Variants in ARHGAP6 observed in about 807,000 individuals in gnomAD.
ARHGAP6 encodes rho GTPase-activating protein 6.
ARHGAP6 carries 16 observed loss-of-function variants against 55.7 expected under a neutral mutation model. That is an observed-to-expected ratio of 0.29 (90% CI 0.19 to 0.44). ARHGAP6 has a LOEUF of 0.44. Ranked by LOEUF, ARHGAP6 falls within the 20% of genes least tolerant of loss-of-function variation. The probability of loss-of-function intolerance (pLI) is 1.00; values close to 1 mark genes in which losing one functional copy is unlikely to be tolerated. For missense variants in ARHGAP6, 698 were observed against 808.9 expected (o/e 0.86, Z 1.66); for synonymous variants, 382 against 360.9 (o/e 1.06, Z -0.66).
At chrX:11,494,949 T>A (rs1027436446) in intron 1 of ARHGAP6, among the ~76,000 whole-genome samples, 4 of 111,992 alleles carry the variant, frequency 3.6e-5, no homozygotes, top group Non-Finnish European at 7.5e-5. Flanking sequence ...AGAAAAACAT[T>A]TACAGATAAG....
At chrX:11,549,892 G>C (rs1349447714) in intron 1 of ARHGAP6, among the ~76,000 whole-genome samples, 1 of 112,427 alleles carries the variant, frequency 8.9e-6, no homozygotes, top group Non-Finnish European at 1.9e-5. Context: ...CAAAACACCT[G>C]GTTGTGTAGC....
At chrX:11,271,586 T>C (rs1219766713) in intron 1 of ARHGAP6, among the ~76,000 whole-genome samples, 2 of 112,084 alleles carry the variant, frequency 1.8e-5, no homozygotes, top group African/African-American at 3.2e-5. Flanking sequence ...TATCATCAAA[T>C]ATATAGACGT....
rs765913579 is a variant in ARHGAP6, at chrX:11,577,903, C to G, written c.588+86338G>C. 2.7e-5 allele frequency among the ~76,000 whole-genome samples: 3 copies of G among 111,337 alleles called. No individual in the cohort carries two copies. The East Asian group carries it at 8.4e-4, about 31-fold the overall frequency. ...GGCCGATACCTATATTGCCTCCTTT[C>G]TGGTCCCCAGCCTATGACTGTCTCA... On this transcript the variant is annotated intron_variant, in intron 1 of 12. Transcript: ENST00000337414.
intron 1 of ARHGAP6, among the ~76,000 whole-genome samples, chrX:11,339,927 C>T (rs2048682653): frequency 8.9e-6 from 1 of 112,201 alleles, no homozygotes; most frequent in Non-Finnish European, 1.9e-5. Context: ...TCTGATTCCC[C>T]CTTTTCCTTC....
At chrX:11,275,269 G>C (rs919120802) in intron 1 of ARHGAP6, among the ~76,000 whole-genome samples, 3 of 109,627 alleles carry the variant, frequency 2.7e-5, no homozygotes, top group Non-Finnish European at 5.8e-5. Flanking sequence ...TTTATAATAG[G>C]TATGTGATAA....
rs771209215 is a variant in ARHGAP6 at position 11,278,354 on chromosome X, G to T, written c.589-23647C>A. On this transcript the variant is annotated intron_variant, in intron 1 of 12. Coordinates refer to ENST00000337414, the MANE Select transcript of ARHGAP6 (RefSeq NM_013427.3). ...ACAACCCCTTTCAGCAGAATTCAGA[G>T]TTTGAGGAAGATGTGACTATAGAAT... is the stretch of plus-strand genomic sequence containing the variant. 2.7e-5 allele frequency among the ~76,000 whole-genome samples: 3 copies of T among 111,365 alleles called. No individual in the cohort carries two copies. The South Asian group carries it at 1.1e-3, about 43-fold the overall frequency.
intron 1 of ARHGAP6, among the ~76,000 whole-genome samples, chrX:11,385,187 T>C (rs2049313845): frequency 9.0e-6 from 1 of 111,257 alleles, no homozygotes; most frequent in Non-Finnish European, 1.9e-5. Context: ...AAACCCCCAA[T>C]TTATAAATTT....
chrX:11,478,453 T>C (rs1018286830), intron 1 of ARHGAP6, among the ~76,000 whole-genome samples: 1 of 111,985 alleles, frequency 8.9e-6, no homozygotes, highest in Admixed American at 9.5e-5. Context: ...TATTATTCCA[T>C]TTATATGGAT....
intron 11 of ARHGAP6, 95 bp downstream of exon 11, chrX:11,143,885 C>G (rs756872843): frequency 8.3e-7 from 1 of 1,199,881 alleles, no homozygotes; most frequent in African/African-American, 1.8e-5. Context: ...AAGGGAGAGA[C>G]GAAGAGAAGG....
chrX:11,557,483 CAA>C (rs113833524), intron 1 of ARHGAP6, among the ~76,000 whole-genome samples: 2 of 88,127 alleles, frequency 2.3e-5, no homozygotes, highest in Admixed American at 1.3e-4. Flanking sequence ...TTCTGAAAGG[CAA>C]AAAAAAAAAA....
chrX:11,558,216 A>C (rs2051341192), intron 1 of ARHGAP6, among the ~76,000 whole-genome samples: 1 of 111,660 alleles, frequency 9.0e-6, no homozygotes, highest in African/African-American at 3.3e-5. Flanking sequence ...TTCCCCCAAA[A>C]GTCTGTGGCT....
At chrX:11,448,414 C>T (rs997126761) in intron 1 of ARHGAP6, among the ~76,000 whole-genome samples, 1 of 111,801 alleles carries the variant, frequency 8.9e-6, no homozygotes, top group African/African-American at 3.2e-5. Flanking sequence ...GCAGACTAGA[C>T]ACAGATCCAC....
At chrX:11,562,282 A>C (rs996790308) in intron 1 of ARHGAP6, among the ~76,000 whole-genome samples, 5 of 111,966 alleles carry the variant, frequency 4.5e-5, no homozygotes, top group African/African-American at 1.6e-4. Context: ...AAAACTGTGG[A>C]TCTACCATAT....
At chrX:11,575,308 G>A (rs919165135) in intron 1 of ARHGAP6, among the ~76,000 whole-genome samples, 3 of 111,922 alleles carry the variant, frequency 2.7e-5, no homozygotes. Flanking sequence ...TAATTCCAAT[G>A]CAAACGAAAA....
At chrX:11,645,328 T>G (rs746893583) in intron 1 of ARHGAP6, among the ~76,000 whole-genome samples, 17 of 111,197 alleles carry the variant, frequency 1.5e-4, no homozygotes, top group African/African-American at 5.5e-4. Flanking sequence ...ATCATTTTTT[T>G]TGCTATCCCT....
At chrX:11,576,158 G>A (rs2051595725) in intron 1 of ARHGAP6, among the ~76,000 whole-genome samples, 1 of 111,768 alleles carries the variant, frequency 8.9e-6, no homozygotes. Context: ...TCCCTACATT[G>A]TTTACAGTGA....
intron 2 of ARHGAP6, among the ~76,000 whole-genome samples, chrX:11,243,327 G>A (rs1054657101): frequency 7.2e-5 from 8 of 111,182 alleles, no homozygotes; most frequent in African/African-American, 2.3e-4. Flanking sequence ...CCCCAAACTC[G>A]GGAAATGAAC....
Position 11,359,102 on chromosome X carries a change from T to C in ARHGAP6, c.589-104395A>G, listed in dbSNP as rs767373496. ...TGTTATAATATTATCTGTTATGGCATCTCCTTATAAAGCAAACACCTCAGG... is the reference window on the plus strand; with the variant it reads ...TGTTATAATATTATCTGTTATGGCACCTCCTTATAAAGCAAACACCTCAGG... On this transcript the variant is annotated intron_variant, in intron 1 of 12. Transcript: ENST00000337414. Among the ~76,000 whole-genome samples the C allele has an allele frequency of 3.6e-5, 4 of 112,057 alleles. No homozygotes were observed. In the South Asian group the frequency reaches 1.5e-3, roughly 42 times the overall value.
chrX:11,191,748 T>G (rs968536166), intron 3 of ARHGAP6, among the ~76,000 whole-genome samples: 1 of 111,825 alleles, frequency 8.9e-6, no homozygotes, highest in Non-Finnish European at 1.9e-5. Context: ...CATTGCTGTC[T>G]TCAGGGTCAT....
Sources: allele counts gnomAD v4.1 joint callset (sites outside exome capture counted in the v4.1 genomes callset), GRCh38; gene constraint gnomAD v4.1.1; transcripts MANE v1.5; gene names NCBI Gene and HGNC (gene_info 2026-07-23, HGNC 2026-07-21).